Variants in ANTXR1 observed in about 807,000 individuals in gnomAD.
ANTXR1 encodes the protein ANTXR cell adhesion molecule 1.
In ANTXR1, 19 loss-of-function variants were observed where a neutral mutation model predicts 78.1. The ratio of observed to expected loss-of-function variants is 0.24; its 90% CI spans 0.17 to 0.36. The LOEUF is 0.36. Ranked by LOEUF, ANTXR1 falls within the 10% of genes least tolerant of loss-of-function variation. The pLI is 1.00. For synonymous variants in ANTXR1, 273 were observed against 260.5 expected (o/e 1.05, Z -0.46); for missense variants, 518 against 718.6 (o/e 0.72, Z 3.19).
Position 69,072,451 on chromosome 2 carries a change from A to G in ANTXR1, c.413-571A>G, listed in dbSNP as rs556719852. 6.6e-5 allele frequency among the ~76,000 whole-genome samples: 10 copies of G among 152,354 alleles called. No individual in the cohort carries two copies. The South Asian group carries it at 1.9e-3, about 28-fold the overall frequency. On this transcript the variant is annotated intron_variant, in intron 5 of 17. Coordinates refer to ENST00000303714, the MANE Select transcript of ANTXR1 (RefSeq NM_032208.3). ...AACTGCAACAAACAGAACAGACTCAATATCAACACCAAATCTTGCTAATGT... is the reference window on the plus strand; with the variant it reads ...AACTGCAACAAACAGAACAGACTCAGTATCAACACCAAATCTTGCTAATGT...
intron 13 of ANTXR1, 44 bp from the exon 14 acceptor site, chr2:69,170,203 GT>G: frequency 2.3e-5 from 37 of 1,611,414 alleles, no homozygotes; most frequent in Non-Finnish European, 3.1e-5. Flanking sequence ...TAGGAGGCAG[GT>G]AGCCAGAGAT....
intron 13 of ANTXR1, among the ~76,000 whole-genome samples, chr2:69,163,052 C>A (rs1425955003): frequency 2.0e-5 from 3 of 152,108 alleles, no homozygotes; most frequent in Non-Finnish European, 4.4e-5. Context: ...ACCTTAAATT[C>A]TTAATAAAAC....
At chr2:69,035,683 C>T (rs1256194467) in intron 1 of ANTXR1, among the ~76,000 whole-genome samples, 1 of 152,190 alleles carries the variant, frequency 6.6e-6, no homozygotes, top group African/African-American at 2.4e-5. Context: ...AAAGAATGAT[C>T]ACTTACATAC....
intron 3 of ANTXR1, among the ~76,000 whole-genome samples, chr2:69,069,697 G>C (rs979620110): frequency 6.6e-6 from 1 of 152,158 alleles, no homozygotes; most frequent in Non-Finnish European, 1.5e-5. Flanking sequence ...CACTTTCAGT[G>C]GTTATTATGA....
chr2:69,088,283 A>G (rs1671119438), intron 8 of ANTXR1, among the ~76,000 whole-genome samples: 1 of 152,196 alleles, frequency 6.6e-6, no homozygotes, highest in Non-Finnish European at 1.5e-5. Context: ...CGGGTTGGGT[A>G]AAAATTTCAT....
intron 1 of ANTXR1, among the ~76,000 whole-genome samples, chr2:69,019,766 T>G (rs2103988146): frequency 6.6e-6 from 1 of 152,042 alleles, no homozygotes; most frequent in Non-Finnish European, 1.5e-5. Context: ...CAGTGTCTGT[T>G]GTTCCCCTCT....
At chr2:69,112,039 T>C (rs997959171) in intron 10 of ANTXR1, among the ~76,000 whole-genome samples, 2 of 152,184 alleles carry the variant, frequency 1.3e-5, no homozygotes, top group African/African-American at 4.8e-5. Context: ...AGGGATTTTA[T>C]ATCATGTGAA....
At chr2:69,016,719 G>T (rs533110918) in intron 1 of ANTXR1, among the ~76,000 whole-genome samples, 29 of 152,262 alleles carry the variant, frequency 1.9e-4, no homozygotes, top group Admixed American at 2.6e-4. Flanking sequence ...TTTGTCTCTA[G>T]CAGGTAGAAT....
intron 8 of ANTXR1, chr2:69,090,506 A>T (rs940739515): frequency 4.6e-5 from 16 of 349,374 alleles, no homozygotes; most frequent in African/African-American, 3.4e-4. Flanking sequence ...TACCAATAGG[A>T]GTGGCCATTG....
intron 13 of ANTXR1, among the ~76,000 whole-genome samples, chr2:69,154,780 A>G (rs948751950): frequency 2.0e-5 from 3 of 152,140 alleles, no homozygotes; most frequent in Admixed American, 1.3e-4. Context: ...TCCTGCTGCA[A>G]TCTTTTCTTT....
intron 17 of ANTXR1, among the ~76,000 whole-genome samples, chr2:69,214,454 G>A (rs529093798): frequency 6.6e-6 from 1 of 152,274 alleles, no homozygotes; most frequent in South Asian, 2.1e-4. Flanking sequence ...CTATAAGCAG[G>A]TCCACCCTCA....
intron 8 of ANTXR1, among the ~76,000 whole-genome samples, chr2:69,082,768 G>A (rs1670935971): frequency 6.6e-6 from 1 of 152,142 alleles, no homozygotes; most frequent in African/African-American, 2.4e-5. Flanking sequence ...GTCTGAAAAG[G>A]AGAGCCCACA....
intron 17 of ANTXR1, among the ~76,000 whole-genome samples, chr2:69,241,207 G>A (rs906315602): frequency 6.6e-6 from 1 of 152,156 alleles, no homozygotes. Flanking sequence ...AGTTCCAATC[G>A]TCCTAGCAAC....
intron 17 of ANTXR1, among the ~76,000 whole-genome samples, chr2:69,240,184 C>A (rs1675860835): frequency 6.6e-6 from 1 of 152,212 alleles, no homozygotes; most frequent in Non-Finnish European, 1.5e-5. Context: ...TCTTGCTGCA[C>A]CTCGGAGCTC....
intron 12 of ANTXR1, chr2:69,135,125 A>T: frequency 2.7e-6 from 1 of 373,992 alleles, no homozygotes; most frequent in Non-Finnish European, 5.6e-6. Flanking sequence ...CTCTATTTTG[A>T]CAACCCTTGT....
intron 17 of ANTXR1, among the ~76,000 whole-genome samples, chr2:69,209,518 T>C (rs1046587229): frequency 6.6e-6 from 1 of 152,220 alleles, no homozygotes; most frequent in African/African-American, 2.4e-5. Context: ...GGAGTTTGTA[T>C]CCTAGGATTC....
chr2:69,197,737 TC>T (rs2104481386), intron 17 of ANTXR1, among the ~76,000 whole-genome samples: 1 of 152,194 alleles, frequency 6.6e-6, no homozygotes, highest in East Asian at 1.9e-4. Context: ...TCCAGGATGG[TC>T]CCCAAGGCTT....
At chr2:69,038,679 C>A (rs889690276) in intron 1 of ANTXR1, among the ~76,000 whole-genome samples, 42 of 152,146 alleles carry the variant, frequency 2.8e-4, no homozygotes, top group African/African-American at 9.9e-4. Flanking sequence ...AACAGTGGAA[C>A]AATGACTATC....
At chr2:69,062,734 CAT>C (rs1670283722) in intron 3 of ANTXR1, among the ~76,000 whole-genome samples, 1 of 151,988 alleles carries the variant, frequency 6.6e-6, no homozygotes, top group African/African-American at 2.4e-5. Flanking sequence ...TAAAGAAAAA[CAT>C]AGTTAATAGA....
Sources: allele counts gnomAD v4.1 joint callset (sites outside exome capture counted in the v4.1 genomes callset), GRCh38; gene constraint gnomAD v4.1.1; transcripts MANE v1.5; gene names NCBI Gene and HGNC (gene_info 2026-07-23, HGNC 2026-07-21).